Variants in LRRC31 observed in about 807,000 individuals in gnomAD.
The protein encoded by LRRC31 is leucine-rich repeat-containing protein 31.
In LRRC31, 35 loss-of-function variants were observed where a neutral mutation model predicts 46.7. The observed-to-expected ratio is 0.75, with a 90% CI of 0.57 to 0.99. The LOEUF (loss-of-function observed/expected upper bound fraction) is 0.99. LRRC31 is among the 50% of genes least tolerant of loss of function. The probability of loss-of-function intolerance (pLI) is 0.00; values close to 1 mark genes in which losing one functional copy is unlikely to be tolerated. For synonymous variants in LRRC31, 236 were observed against 235.1 expected, an observed-to-expected ratio of 1.00 and a Z score of -0.03; for missense variants, 613 against 626.1, an observed-to-expected ratio of 0.98 and a Z score of 0.22.
intron 2 of LRRC31, 75 bp downstream of exon 2, chr3:169,861,595 G>A: frequency 6.7e-7 from 1 of 1,488,714 alleles, no homozygotes; most frequent in Non-Finnish European, 9.1e-7. Context: ...TAGGTGGGTA[G>A]CTGAGTATGT....
At position 169,852,552 on chromosome 3, in the gene LRRC31, C is replaced by A. The variant is rs183465825; in HGVS notation, c.992-766G>T. 1.3e-3 allele frequency among the ~76,000 whole-genome samples: 199 copies of A among 152,036 alleles called. 1 individual carries two copies. The highest frequency in any genetic ancestry group is 4.7e-3 in the African/African-American group (197 of 41,506). On this transcript the variant is annotated intron_variant, in intron 6 of 8. Coordinates refer to ENST00000316428, the MANE Select transcript of LRRC31 (RefSeq NM_024727.4). Reference sequence around the variant, plus strand: ...TCAATTAATGTTTGAAATTATAATTCTTTTCTCAGAATGTAAGTACCAGTA... The same window carrying A: ...TCAATTAATGTTTGAAATTATAATTATTTTCTCAGAATGTAAGTACCAGTA...
intron 1 of LRRC31, among the ~76,000 whole-genome samples, chr3:169,864,443 C>T (rs2108228642): frequency 2.0e-5 from 3 of 152,308 alleles, no homozygotes; most frequent in East Asian, 3.9e-4. Flanking sequence ...TGATCCAAAT[C>T]ACAGGTCTGT....
intron 3 of LRRC31, among the ~76,000 whole-genome samples, chr3:169,857,125 G>A (rs1028969343): frequency 4.0e-5 from 6 of 151,574 alleles, no homozygotes; most frequent in Admixed American, 1.3e-4. Context: ...AACAATTGTT[G>A]TTGTAGAAAA....
At chr3:169,867,043 TTTTGTTTGTTTGTTTG>T (rs1197479119) in intron 1 of LRRC31, among the ~76,000 whole-genome samples, 5 of 115,366 alleles carry the variant, frequency 4.3e-5, no homozygotes, top group African/African-American at 2.8e-4. Context: ...CATGGGTTTT[TTTTGTTTGTTTGTTTG>T]TTTTTTTTTT....
At position 169,839,868 on chromosome 3, in the gene LRRC31, A is replaced by G; in HGVS notation, c.*114T>C. ...TATATATTTACAAAGCTCTTGTAAT[A>G]TAAGTCCCATTAAATGGCCCAGAAG... On this transcript the variant is annotated 3_prime_UTR_variant, in exon 9 of 9. Coordinates refer to ENST00000316428, the MANE Select transcript of LRRC31 (RefSeq NM_024727.4). 1 of 582,486 alleles carries G rather than the reference A, an allele frequency of 1.7e-6. No individual in the cohort carries two copies. The highest frequency in any genetic ancestry group is 3.0e-6 in the Non-Finnish European group (1 of 332,950). The allele number at this position is 582,486 out of a possible 1,614,324, so 36.1% of individuals were successfully genotyped here.
At chr3:169,856,996 C>T (rs1780968551) in intron 3 of LRRC31, 124 bp from the exon 4 acceptor site, 8 of 807,596 alleles carry the variant, frequency 9.9e-6, no homozygotes, top group Non-Finnish European at 1.5e-5. Context: ...TCCTGTTTGG[C>T]ACCGAGGAAC....
chr3:169,867,848 TCCCTG>T lies in LRRC31; in HGVS notation c.175+1780_175+1784del, dbSNP rs1781379017. ...ATTTTCATAACCCTTGAATTTGCAA[TCCCTG>T]TTCTGGAAATTTATACTTTAAAAAT... On this transcript the variant is annotated intron_variant, in intron 1 of 8. Coordinates refer to ENST00000316428, the MANE Select transcript of LRRC31 (RefSeq NM_024727.4). Among the ~76,000 whole-genome samples the T allele has an allele frequency of 2.6e-5, 4 of 152,288 alleles. No individual in the cohort carries two copies. In the South Asian group the frequency reaches 8.3e-4, roughly 32 times the overall value.
intron 3 of LRRC31, 147 bp downstream of exon 3, chr3:169,860,414 G>C: frequency 1.3e-6 from 1 of 789,730 alleles, no homozygotes; most frequent in Non-Finnish European, 2.1e-6. Flanking sequence ...TTTTAGTAGA[G>C]ACAGGGTTTC....
intron 3 of LRRC31, among the ~76,000 whole-genome samples, chr3:169,859,637 T>C (rs902727770): frequency 6.6e-6 from 1 of 152,220 alleles, no homozygotes; most frequent in African/African-American, 2.4e-5. Flanking sequence ...TTTAATCCTA[T>C]GAAACTAACT....
chr3:169,849,458 A>G lies in LRRC31; in HGVS notation c.1160-1171T>C, dbSNP rs920800210. ...CTAATGGCTGCAATTCCTTTAAAAA[A>G]AAAATATTTTCCCAGAATGGGCAAC... On this transcript the variant is annotated intron_variant, in intron 7 of 8. Coordinates refer to ENST00000316428, the MANE Select transcript of LRRC31 (RefSeq NM_024727.4). Among the ~76,000 whole-genome samples the G allele has an allele frequency of 5.3e-5, 8 of 152,360 alleles. No individual in the cohort carries two copies. In the East Asian group the frequency reaches 1.5e-3, roughly 29 times the overall value.
At chr3:169,842,170 G>A (rs1361438753) in intron 8 of LRRC31, among the ~76,000 whole-genome samples, 1 of 151,954 alleles carries the variant, frequency 6.6e-6, no homozygotes, top group Non-Finnish European at 1.5e-5. Context: ...AATCTAGGTA[G>A]GGGAAATGTA....
chr3:169,867,233 C>T (rs1781360758), intron 1 of LRRC31, among the ~76,000 whole-genome samples: 1 of 138,020 alleles, frequency 7.2e-6, no homozygotes, highest in South Asian at 2.3e-4. Context: ...AAACTATTTT[C>T]TAGAGATGGA....
chr3:169,842,518 T>C (rs181570110), intron 8 of LRRC31, among the ~76,000 whole-genome samples: 2,349 of 152,208 alleles, frequency 0.015, 68 homozygotes, highest in African/African-American at 0.054. Flanking sequence ...GCCCAGCTAA[T>C]TTGTGTACTT....
intron 1 of LRRC31, among the ~76,000 whole-genome samples, chr3:169,867,522 G>A (rs1259026458): frequency 6.6e-6 from 1 of 152,024 alleles, no homozygotes; most frequent in Non-Finnish European, 1.5e-5. Context: ...CTCCCAAAGT[G>A]TTGGGATTAC....
chr3:169,869,758 T>C lies in LRRC31; in HGVS notation c.50A>G (p.Gln17Arg). 6.2e-7 allele frequency: 1 copy of C among 1,613,314 alleles called. No homozygotes were observed. The highest frequency in any genetic ancestry group is 8.5e-7 in the Non-Finnish European group (1 of 1,179,794). The stretch of plus-strand genomic sequence containing the variant: ...GAGAAATTTGTTGACAGTTGAAGTC[T>C]GGGGCTTAGTTTCTCCTTCTGAGGA... ...KTSSEGETKP[Q>R]TSTVNKFLRG... The change falls in exon 1 of 9, where the codon CAG becomes CGG. Residue 17 changes from glutamine to arginine, a missense_variant. Gln to Arg is a conservative substitution (Grantham distance 43, BLOSUM62 1). Transcript: ENST00000316428.
chr3:169,855,007 T>C (rs761418370), intron 5 of LRRC31, 27 bp from the exon 6 acceptor site: 40 of 1,594,814 alleles, frequency 2.5e-5, no homozygotes, highest in Non-Finnish European at 2.2e-5. Context: ...AATCCCATTC[T>C]GGTAGCTGGA....
chr3:169,853,444 T>G (rs1424891442), intron 6 of LRRC31: 1 of 985,310 alleles, frequency 1.0e-6, no homozygotes, highest in Non-Finnish European at 1.2e-6. Flanking sequence ...TGAACCTAGG[T>G]AAGGAAAGCT....
chr3:169,848,713 C>T (rs1210874851), intron 7 of LRRC31, among the ~76,000 whole-genome samples: 2 of 152,216 alleles, frequency 1.3e-5, no homozygotes, highest in Non-Finnish European at 2.9e-5. Context: ...GCCTTGGCCT[C>T]CCGAAGTACT....
At chr3:169,851,553 A>G (rs1244759967) in intron 7 of LRRC31, 66 bp downstream of exon 7, 8 of 1,470,700 alleles carry the variant, frequency 5.4e-6, no homozygotes, top group Middle Eastern at 1.8e-4. Flanking sequence ...AATGAAATGC[A>G]GGGAAAAAGA....
Sources: allele counts gnomAD v4.1 joint callset (sites outside exome capture counted in the v4.1 genomes callset), GRCh38; gene constraint gnomAD v4.1.1; transcripts MANE v1.5; gene names NCBI Gene and HGNC (gene_info 2026-07-23, HGNC 2026-07-21).